The following TTYH2 variants were observed in gnomAD, a reference collection of about 807,000 sequenced individuals.
TTYH2 encodes the protein protein tweety homolog 2.
In TTYH2, 49 loss-of-function variants were observed where a neutral mutation model predicts 68.3. The ratio of observed to expected loss-of-function variants is 0.72; its 90% CI spans 0.57 to 0.91. The LOEUF (loss-of-function observed/expected upper bound fraction) is 0.91. Among genes scored for constraint, TTYH2 ranks in the 40% least tolerant of loss-of-function variants. TTYH2 has a pLI of 0.00. For synonymous variants in TTYH2, 272 were observed against 300.8 expected, an observed-to-expected ratio of 0.90 and a Z score of 0.99; for missense variants, 631 against 700.4, an observed-to-expected ratio of 0.90 and a Z score of 1.12.
rs981851778 is a variant in TTYH2 at position 74,215,342 on chromosome 17, C to T, written c.129+1626C>T. The stretch of plus-strand genomic sequence containing the variant: ...TGGGGGTAGGGATGGTAAGGGGACT[C>T]CCTCACCCTGATGGCCCCAGAGACA... On this transcript the variant is annotated intron_variant, in intron 1 of 13. Coordinates refer to ENST00000269346, the MANE Select transcript of TTYH2 (RefSeq NM_032646.6). The surrounding 1 kb of genome is among the most constrained non-coding windows in gnomAD (Gnocchi z 4.3). Among the ~76,000 whole-genome samples the T allele has an allele frequency of 1.3e-5, 2 of 152,076 alleles. No individual in the cohort carries two copies. The highest frequency in any genetic ancestry group is 4.8e-5 in the African/African-American group (2 of 41,404).
At chr17:74,250,711 C>T (rs947849635) in intron 10 of TTYH2, 2 of 187,008 alleles carry the variant, frequency 1.1e-5, no homozygotes, top group Non-Finnish European at 2.2e-5. Context: ...ATGTCCCAAT[C>T]CCATTGCCAG....
chr17:74,231,127 T>C (rs2050385048), intron 3 of TTYH2, 128 bp downstream of exon 3: 2 of 843,450 alleles, frequency 2.4e-6, no homozygotes, highest in Non-Finnish European at 3.7e-6. Flanking sequence ...GCCTGAGGGC[T>C]GGACCCCCGC....
chr17:74,224,720 C>T (rs1392358510), intron 2 of TTYH2, among the ~76,000 whole-genome samples: 2 of 152,174 alleles, frequency 1.3e-5, no homozygotes, highest in African/African-American at 4.8e-5. Flanking sequence ...AGAGAGAGGG[C>T]TGGGCGTGGT....
intron 1 of TTYH2, among the ~76,000 whole-genome samples, chr17:74,220,819 C>T (rs1244464534): frequency 6.6e-6 from 1 of 151,962 alleles, no homozygotes; most frequent in African/African-American, 2.4e-5. Context: ...AGGGATCTCC[C>T]TCTGTCACCC....
intron 3 of TTYH2, 108 bp downstream of exon 3, chr17:74,231,107 G>A (rs1004518463): frequency 2.9e-6 from 3 of 1,019,716 alleles, no homozygotes; most frequent in Non-Finnish European, 4.4e-6. Context: ...ACACGGAGGG[G>A]CTGTGTGACG....
chr17:74,254,323 A>G (rs563775980), intron 13 of TTYH2, among the ~76,000 whole-genome samples: 136 of 152,258 alleles, frequency 8.9e-4, no homozygotes, highest in Non-Finnish European at 1.7e-3. Context: ...GCGTGCCACA[A>G]CGCCAGGCTA....
chr17:74,238,420 A>G (rs2050466009), intron 4 of TTYH2, among the ~76,000 whole-genome samples: 2 of 151,940 alleles, frequency 1.3e-5, no homozygotes, highest in Non-Finnish European at 2.9e-5. Flanking sequence ...TCTTTTTAAG[A>G]CAGTATCTCA....
At chr17:74,250,411 C>A in intron 10 of TTYH2, 54 bp downstream of exon 10, 1 of 1,472,860 alleles carries the variant, frequency 6.8e-7, no homozygotes, top group Non-Finnish European at 9.4e-7. Context: ...CAGCAGGCCA[C>A]ACCTTCCAGA....
At chr17:74,256,572 G>A (rs537648470) in intron 13 of TTYH2, among the ~76,000 whole-genome samples, 3 of 152,298 alleles carry the variant, frequency 2.0e-5, no homozygotes, top group Admixed American at 2.0e-4. Flanking sequence ...ACAAGCCCCA[G>A]CCTCATGTCG....
At position 74,252,223 on chromosome 17, in the gene TTYH2, TC is replaced by T. The variant is rs202065358; in HGVS notation, c.1117-10del. ...TCCTTCACTAGCTGCATGTCCCTCC[TC>T]TTCCTCCAGGATTATCTGGACGCTC... On this transcript the variant is annotated splice_polypyrimidine_tract_variant and intron_variant, in intron 10 of 13. Coordinates refer to ENST00000269346, the MANE Select transcript of TTYH2 (RefSeq NM_032646.6). 6.2e-7 allele frequency: 1 copy of T among 1,611,832 alleles called. No individual in the cohort carries two copies.
intron 2 of TTYH2, among the ~76,000 whole-genome samples, chr17:74,226,362 A>G (rs1429258656): frequency 1.3e-5 from 2 of 151,806 alleles, no homozygotes; most frequent in Admixed American, 6.6e-5. Flanking sequence ...GTGTCCCACA[A>G]GGAAGGGCTG....
At chr17:74,230,229 A>G (rs188976314) in intron 2 of TTYH2, among the ~76,000 whole-genome samples, 13 of 151,972 alleles carry the variant, frequency 8.6e-5, no homozygotes, top group Middle Eastern at 6.8e-3. Context: ...CCTGTATGAT[A>G]TGGTAATGGT....
Position 74,230,940 on chromosome 17 carries a change from T to A in TTYH2, c.355T>A (p.Tyr119Asn). The A allele has an allele frequency of 2.5e-6, 4 of 1,614,222 alleles. No individual in the cohort carries two copies. Among genetic ancestry groups the A allele is most frequent in the Non-Finnish European group, 2.5e-6 (3 of 1,180,040 alleles). ...AAACAGCGAGACCAACGATGGGGCG[T>A]ACCAGCTGATGTACTCCTTGGACGA... Reference protein sequence around the residue: ...YGNSETNDGAYQLMYSLDDAN... With the variant: ...YGNSETNDGANQLMYSLDDAN... Residue 119 changes from tyrosine (Y) to asparagine (N), a missense_variant, in exon 3 of 14, where the codon TAC becomes AAC. Transcript: ENST00000269346.
chr17:74,250,459 G>A, intron 10 of TTYH2, 102 bp downstream of exon 10: 1 of 958,950 alleles, frequency 1.0e-6, no homozygotes, highest in Non-Finnish European at 1.6e-6. Context: ...GATGGCCTGG[G>A]TCCCCTTCCG....
chr17:74,244,055 T>C lies in TTYH2; in HGVS notation c.804+6T>C. ...CTGATGGCTCTGCGGCAGTGGTGAG[T>C]TGGGGGAGGGAGTGGGTGGTGGGTG... On this transcript the variant is annotated splice_donor_region_variant and intron_variant, in intron 6 of 13. Transcript: ENST00000269346. 1.2e-6 allele frequency: 2 copies of C among 1,610,204 alleles called. No individual in the cohort carries two copies. Among genetic ancestry groups the C allele is most frequent in the Non-Finnish European group, 1.7e-6 (2 of 1,179,566 alleles).
rs761121352 is a variant in TTYH2 at position 74,243,387 on chromosome 17, C to T, written c.649C>T (p.Leu217Phe). The T allele has an allele frequency of 2.0e-5, 33 of 1,614,204 alleles. 2 individuals carry two copies. The South Asian group carries it at 3.6e-4, about 18-fold the overall frequency. Residue 217 changes from leucine to phenylalanine, a missense_variant, in exon 5 of 14, where the codon CTC becomes TTC. Coordinates refer to ENST00000269346, the MANE Select transcript of TTYH2 (RefSeq NM_032646.6). ...CCCTCTACCCAGGTGGCTCTCCTACCTCCTGCTCTTTATCCTGGACCTGGT... is the reference window on the plus strand; with the variant it reads ...CCCTCTACCCAGGTGGCTCTCCTACTTCCTGCTCTTTATCCTGGACCTGGT... The part of the protein sequence containing the change: ...YVEYYRWLSY[L>F]LLFILDLVIC...
intron 10 of TTYH2, among the ~76,000 whole-genome samples, chr17:74,251,346 TGGTGCATGTGTGTGTGCATGTGG>T (rs2050626089): frequency 8.8e-6 from 1 of 113,222 alleles, no homozygotes; most frequent in Non-Finnish European, 1.8e-5. Context: ...GTGGTGTGTG[TGGTGCATGTGTGTGTGCATGTGG>T]GGGGTGCATG....
Position 74,230,968 on chromosome 17 carries a change from C to T in TTYH2, c.383C>T (p.Ala128Val). The change falls in exon 3 of 14, where the codon GCC becomes GTC. Residue 128 changes from alanine (A) to valine (V), a missense_variant. Ala to Val is a moderately conservative substitution (Grantham distance 64). Transcript: ENST00000269346. ...CAGCTGATGTACTCCTTGGACGATGCCAACCACACCTTCTCTGGGATCGAT... is the reference window on the plus strand; with the variant it reads ...CAGCTGATGTACTCCTTGGACGATGTCAACCACACCTTCTCTGGGATCGAT... ...AYQLMYSLDDANHTFSGIDAL... is the reference protein window; with the variant it reads ...AYQLMYSLDDVNHTFSGIDAL... The T allele has an allele frequency of 6.2e-7, 1 of 1,614,086 alleles. No individual in the cohort carries two copies.
intron 2 of TTYH2, among the ~76,000 whole-genome samples, chr17:74,226,718 A>T (rs1232029508): frequency 6.6e-6 from 1 of 152,138 alleles, no homozygotes; most frequent in African/African-American, 2.4e-5. Context: ...CTGAAAAAGC[A>T]AAAGGGATAG....
Sources: gnomAD v4.1 joint callset for allele counts (sites outside exome capture counted in the v4.1 genomes callset) on GRCh38, gnomAD v4.1.1 for gene constraint, Gnocchi (gnomAD v3.1) non-coding constraint, MANE v1.5 for transcripts, NCBI Gene and HGNC (gene_info 2026-07-23, HGNC 2026-07-21) for gene names.